Variants in ANKRD11 observed in about 807,000 individuals in gnomAD.
ANKRD11 encodes ankyrin repeat domain 11.
In ANKRD11, 17 loss-of-function variants were observed where a neutral mutation model predicts 195.7. The ratio of observed to expected loss-of-function variants is 0.09; its 90% CI spans 0.06 to 0.13. The LOEUF is 0.13. ANKRD11 is among the 10% of genes least tolerant of loss of function. The probability of loss-of-function intolerance (pLI) is 1.00; values close to 1 mark genes in which losing one functional copy is unlikely to be tolerated. For missense variants in ANKRD11, 3,735 were observed against 3,566.1 expected (o/e 1.05, Z -1.21); for synonymous variants, 1,953 against 1,528.1 (o/e 1.28, Z -6.49).
intron 3 of ANKRD11, among the ~76,000 whole-genome samples, 155 bp from the exon 4 acceptor site, chr16:89,305,499 G>T (rs1266772881): frequency 6.6e-6 from 1 of 152,084 alleles, no homozygotes; most frequent in Non-Finnish European, 1.5e-5. Flanking sequence ...GCTGGTCACC[G>T]ACCGCAGAAC....
intron 2 of ANKRD11, among the ~76,000 whole-genome samples, chr16:89,390,201 G>A (rs1391321101): frequency 1.7e-5 from 2 of 116,282 alleles, no homozygotes; most frequent in African/African-American, 6.6e-5. Flanking sequence ...AAGATCACTG[G>A]GGCGAACACC....
At chr16:89,278,457 G>C (rs907835817) in intron 9 of ANKRD11, 1 of 449,900 alleles carries the variant, frequency 2.2e-6, no homozygotes, top group Non-Finnish European at 4.5e-6. Context: ...AGCTGGGGGA[G>C]TGGGGGTGAT....
At chr16:89,320,011 G>A (rs2037207572) in intron 2 of ANKRD11, 3 of 152,410 alleles carry the variant, frequency 2.0e-5, no homozygotes, top group Non-Finnish European at 4.4e-5. Context: ...GCCGAGGGCC[G>A]AGGAACCGTT....
intron 9 of ANKRD11, among the ~76,000 whole-genome samples, chr16:89,276,007 G>A (rs1476479420): frequency 6.6e-6 from 1 of 152,210 alleles, no homozygotes; most frequent in African/African-American, 2.4e-5. Flanking sequence ...CACAGCAGTC[G>A]TACCAGGGCC....
chr16:89,463,276 T>G (rs1456804234), intron 1 of ANKRD11, among the ~76,000 whole-genome samples: 5 of 152,234 alleles, frequency 3.3e-5, no homozygotes, highest in African/African-American at 1.2e-4. Context: ...ATGGTTGCCG[T>G]GTCTGTGTAG....
chr16:89,419,726 G>A (rs916566565), intron 1 of ANKRD11, among the ~76,000 whole-genome samples: 3 of 152,186 alleles, frequency 2.0e-5, no homozygotes, highest in Admixed American at 6.5e-5. Context: ...CGAGAGAATC[G>A]CGTGTTTCCT....
rs767818765 is a variant in ANKRD11 at position 89,280,611 on chromosome 16, C to T, written c.5931G>A (p.Ser1977=). Residue 1977 remains serine, a synonymous_variant, in exon 9 of 13, where the codon TCG becomes TCA. Transcript: ENST00000301030. ...SENPVSWPVG[S]DLLLKSPQRF... is the part of the protein sequence containing the mutation. ...TCTGTGGAGACTTCAGCAGGAGGTC[C>T]GAGCCCACAGGCCAGCTCACAGGGT... The T allele has an allele frequency of 1.7e-5, 27 of 1,613,324 alleles. No homozygotes were observed. Among genetic ancestry groups the T allele is most frequent in the Non-Finnish European group, 2.1e-5 (25 of 1,179,932 alleles).
chr16:89,314,913 C>G (rs1033719303), intron 3 of ANKRD11, among the ~76,000 whole-genome samples: 5 of 152,214 alleles, frequency 3.3e-5, no homozygotes, highest in African/African-American at 1.2e-4. Flanking sequence ...TCTGTTCACA[C>G]AGCTGCTCCA....
At chr16:89,361,531 T>C (rs1293847215) in intron 2 of ANKRD11, 1 of 152,274 alleles carries the variant, frequency 6.6e-6, no homozygotes, top group Non-Finnish European at 1.5e-5. Context: ...TCTTCTTTGG[T>C]TATGATGCTA....
At chr16:89,410,579 C>T (rs998966791) in intron 2 of ANKRD11, among the ~76,000 whole-genome samples, 1 of 152,292 alleles carries the variant, frequency 6.6e-6, no homozygotes, top group Middle Eastern at 3.4e-3. Flanking sequence ...TCTGGTTCTG[C>T]CCTCCAGACA....
Position 89,295,982 on chromosome 16 carries a change from TGCC to T in ANKRD11, c.227-4802_227-4800del, listed in dbSNP as rs752892941. On this transcript the variant is annotated intron_variant, in intron 4 of 12. Coordinates refer to ENST00000301030, the MANE Select transcript of ANKRD11 (RefSeq NM_013275.6). Reference sequence around the variant, plus strand: ...GCAGGGAGTGTCTTCTCTATCTGGCTGCCTTTTTTTTTTTTTTTTTTTTTGAGA... The same window carrying T: ...GCAGGGAGTGTCTTCTCTATCTGGCTTTTTTTTTTTTTTTTTTTTTTGAGA... Among the ~76,000 whole-genome samples, 784 of 117,574 alleles carry T rather than the reference TGCC, an allele frequency of 6.7e-3. 8 individuals are homozygous for T. Among genetic ancestry groups the T allele is most frequent in the Non-Finnish European group, 0.011 (624 of 57,212 alleles). The allele number at this position is 117,574 out of a possible 152,430, so 77.1% of individuals were successfully genotyped here.
intron 4 of ANKRD11, chr16:89,304,994 C>A: frequency 1.5e-6 from 1 of 689,310 alleles, no homozygotes. Flanking sequence ...TGAAGCTCTC[C>A]AATCGGCCCC....
At chr16:89,319,232 C>T (rs963515347) in intron 2 of ANKRD11, among the ~76,000 whole-genome samples, 2 of 152,206 alleles carry the variant, frequency 1.3e-5, no homozygotes, top group Non-Finnish European at 2.9e-5. Context: ...CCACGGCCTC[C>T]GGACGGTGTC....
chr16:89,471,018 G>C (rs1487849353), intron 1 of ANKRD11, among the ~76,000 whole-genome samples: 1 of 151,540 alleles, frequency 6.6e-6, no homozygotes, highest in East Asian at 1.9e-4. Flanking sequence ...TCTCATGAAA[G>C]CATGGGAGCC....
intron 2 of ANKRD11, among the ~76,000 whole-genome samples, chr16:89,391,264 AG>A (rs2041185142): frequency 6.8e-6 from 1 of 148,098 alleles, no homozygotes; most frequent in African/African-American, 2.5e-5. Flanking sequence ...GAACCCAAGG[AG>A]GGGTCACGGA....
intron 2 of ANKRD11, among the ~76,000 whole-genome samples, chr16:89,375,958 G>A (rs539767657): frequency 5.9e-5 from 9 of 152,230 alleles, no homozygotes; most frequent in African/African-American, 1.9e-4. Context: ...GTGACACGCC[G>A]CAGCCTGTGC....
Position 89,476,399 on chromosome 16 carries a change from T to G in ANKRD11, c.-145+13846A>C, listed in dbSNP as rs184330461. On this transcript the variant is annotated intron_variant, in intron 1 of 12. Coordinates refer to ENST00000301030, the MANE Select transcript of ANKRD11 (RefSeq NM_013275.6). ...CTATTATCCTCAGGTTCTTGGGTTATTCGTAGAATAGCAAAGCAAACTACC... is the reference window on the plus strand; with the variant it reads ...CTATTATCCTCAGGTTCTTGGGTTAGTCGTAGAATAGCAAAGCAAACTACC... Among the ~76,000 whole-genome samples the G allele has an allele frequency of 7.4e-4, 113 of 152,338 alleles. 1 individual carries two copies. The highest frequency in any genetic ancestry group is 2.7e-3 in the African/African-American group (111 of 41,566).
Position 89,281,344 on chromosome 16 carries a change from G to C in ANKRD11, c.5198C>G (p.Ala1733Gly). ...RTPSCSADDY[A>G]DLVFDCADSQ... ...GTCGGCGCAGTCGAACACGAGGTCC[G>C]CGTAGTCATCGGCGCTGCAGGACGG... The change falls in exon 9 of 13, where the codon GCG (alanine) becomes GGG (glycine). Residue 1733 changes from alanine (A) to glycine (G), a missense_variant. By Grantham distance (60) the Ala-to-Gly change is moderately conservative. Coordinates refer to ENST00000301030, the MANE Select transcript of ANKRD11 (RefSeq NM_013275.6). The surrounding 1 kb of genome is among the most constrained non-coding windows in gnomAD (Gnocchi z 5.5). 5 of 1,612,416 alleles carry C rather than the reference G, an allele frequency of 3.1e-6. No homozygotes were observed. The highest frequency in any genetic ancestry group is 4.2e-6 in the Non-Finnish European group (5 of 1,178,698).
intron 2 of ANKRD11, among the ~76,000 whole-genome samples, chr16:89,415,124 T>A (rs1215851889): frequency 6.6e-6 from 1 of 151,936 alleles, no homozygotes; most frequent in East Asian, 1.9e-4. Context: ...TGGCTCATTT[T>A]TTTATTTTTT....
Sources: allele counts gnomAD v4.1 joint callset (sites outside exome capture counted in the v4.1 genomes callset), GRCh38; gene constraint gnomAD v4.1.1; non-coding constraint Gnocchi (gnomAD v3.1); transcripts MANE v1.5; gene names NCBI Gene and HGNC (gene_info 2026-07-23, HGNC 2026-07-21).